Variants in DOCK1 observed in about 807,000 individuals in gnomAD.
DOCK1 encodes the protein dedicator of cytokinesis protein 1.
In DOCK1, 138 loss-of-function variants were observed where a neutral mutation model predicts 262.7. That is an observed-to-expected ratio of 0.53 (90% CI 0.46 to 0.61). DOCK1 has a LOEUF of 0.61. DOCK1 is among the 20% of genes least tolerant of loss of function. The pLI, the probability that DOCK1 is intolerant of heterozygous loss-of-function variation, is 0.00. For missense variants in DOCK1, 1,908 were observed against 2,370.7 expected, an observed-to-expected ratio of 0.80 and a Z score of 4.05; for synonymous variants, 866 against 867.4, an observed-to-expected ratio of 1.00 and a Z score of 0.03.
At chr10:127,270,943 G>A (rs1480102406) in intron 29 of DOCK1, among the ~76,000 whole-genome samples, 1 of 151,608 alleles carries the variant, frequency 6.6e-6, no homozygotes, top group African/African-American at 2.4e-5. Flanking sequence ...ATTTTCTCTT[G>A]TATTCAAGAC....
chr10:127,062,219 G>GTGA (rs2045582019), intron 23 of DOCK1, among the ~76,000 whole-genome samples: 1 of 152,086 alleles, frequency 6.6e-6, no homozygotes, highest in Non-Finnish European at 1.5e-5. Context: ...GATTATAGGC[G>GTGA]TGAGCCACTG....
intron 37 of DOCK1, among the ~76,000 whole-genome samples, chr10:127,383,717 C>T (rs1377082219): frequency 6.6e-6 from 1 of 152,174 alleles, no homozygotes; most frequent in African/African-American, 2.4e-5. Context: ...ACCCCAGCTT[C>T]CCACTTAGTG....
chr10:127,206,502 C>G (rs2057731297), intron 27 of DOCK1, among the ~76,000 whole-genome samples: 1 of 152,174 alleles, frequency 6.6e-6, no homozygotes, highest in African/African-American at 2.4e-5. Context: ...AATACGCTAT[C>G]AATGTACAGA....
intron 23 of DOCK1, among the ~76,000 whole-genome samples, chr10:127,072,689 G>A (rs954079954): frequency 2.0e-5 from 3 of 152,178 alleles, no homozygotes; most frequent in South Asian, 2.1e-4. Context: ...GGAGCATGAA[G>A]TAATCCTAAT....
chr10:127,305,377 T>C (rs1027412632), intron 29 of DOCK1, among the ~76,000 whole-genome samples: 2 of 152,268 alleles, frequency 1.3e-5, no homozygotes, highest in Admixed American at 6.5e-5. Context: ...CAGTGGTCAG[T>C]GTATCCCGAG....
At chr10:127,259,122 G>A (rs1171215391) in intron 29 of DOCK1, among the ~76,000 whole-genome samples, 1 of 152,178 alleles carries the variant, frequency 6.6e-6, no homozygotes. Context: ...TGGCATCTGA[G>A]AGTAGATGGT....
At chr10:127,206,696 A>G (rs1415850477) in intron 27 of DOCK1, among the ~76,000 whole-genome samples, 1 of 152,226 alleles carries the variant, frequency 6.6e-6, no homozygotes, top group Non-Finnish European at 1.5e-5. Context: ...CCAAAGAGCC[A>G]GACACTGTGT....
chr10:127,011,637 T>C (rs1360065168), intron 11 of DOCK1, among the ~76,000 whole-genome samples: 1 of 152,160 alleles, frequency 6.6e-6, no homozygotes, highest in African/African-American at 2.4e-5. Flanking sequence ...GTGGTCTGTG[T>C]TCATAACAGC....
At chr10:127,132,810 G>A (rs1426045408) in intron 27 of DOCK1, among the ~76,000 whole-genome samples, 1 of 152,148 alleles carries the variant, frequency 6.6e-6, no homozygotes, top group South Asian at 2.1e-4. Context: ...AAATGTAATC[G>A]AGTGAGAAGG....
chr10:127,265,496 C>G (rs1377339002), intron 29 of DOCK1, among the ~76,000 whole-genome samples: 1 of 152,168 alleles, frequency 6.6e-6, no homozygotes, highest in Non-Finnish European at 1.5e-5. Context: ...TGACAACCAC[C>G]TTGGCTCATT....
Position 127,381,335 on chromosome 10 carries a change from T to G in DOCK1, c.3774T>G (p.Ala1258=), listed in dbSNP as rs1565043291. The change falls in exon 37 of 52, where the codon GCT becomes GCG. Residue 1258 remains alanine, a synonymous_variant. Coordinates refer to ENST00000623213, the MANE Select transcript of DOCK1 (RefSeq NM_001290223.2). ...AGTGTGATAACTACACCGAAGCGGCTTACACCTTGCTTCTCCATGCAAAGC... is the reference window on the plus strand; with the variant it reads ...AGTGTGATAACTACACCGAAGCGGCGTACACCTTGCTTCTCCATGCAAAGC... ...HKECDNYTEA[A]YTLLLHAKLL... 5 of 1,612,854 alleles carry G rather than the reference T, an allele frequency of 3.1e-6. No homozygotes were observed. Among genetic ancestry groups the G allele is most frequent in the Non-Finnish European group, 4.2e-6 (5 of 1,179,150 alleles).
chr10:127,417,698 C>G (rs1408651479), intron 44 of DOCK1, among the ~76,000 whole-genome samples: 1 of 152,168 alleles, frequency 6.6e-6, no homozygotes, highest in Non-Finnish European at 1.5e-5. Context: ...GCCTTAGCCT[C>G]CCGAGTAGCT....
chr10:127,089,691 G>A (rs988265637), intron 23 of DOCK1, among the ~76,000 whole-genome samples: 3 of 152,150 alleles, frequency 2.0e-5, no homozygotes, highest in Non-Finnish European at 4.4e-5. Context: ...TGGGCAGGGC[G>A]TGGAGATGGA....
At chr10:127,096,241 G>A (rs560154955) in intron 23 of DOCK1, among the ~76,000 whole-genome samples, 6 of 152,164 alleles carry the variant, frequency 3.9e-5, no homozygotes, top group East Asian at 1.9e-4. Context: ...TTCTTCAGCC[G>A]CCTCCGACCA....
At chr10:127,283,301 C>T (rs1419151313) in intron 29 of DOCK1, among the ~76,000 whole-genome samples, 1 of 152,216 alleles carries the variant, frequency 6.6e-6, no homozygotes, top group Non-Finnish European at 1.5e-5. Context: ...GAAAGGAGGC[C>T]TGGACTGCAT....
chr10:126,975,784 AT>A (rs35799229), intron 2 of DOCK1, among the ~76,000 whole-genome samples: 42 of 146,392 alleles, frequency 2.9e-4, no homozygotes, highest in Admixed American at 4.7e-4. Flanking sequence ...CGCCCAGCCA[AT>A]TTTTTTTTTT....
chr10:127,311,521 T>C (rs562861173), intron 29 of DOCK1, among the ~76,000 whole-genome samples: 1 of 152,260 alleles, frequency 6.6e-6, no homozygotes, highest in Admixed American at 6.5e-5. Flanking sequence ...TGGAGTATTT[T>C]GGAATTTTGG....
chr10:127,354,793 G>A (rs747382658), intron 32 of DOCK1, 66 bp downstream of exon 32: 21 of 1,583,190 alleles, frequency 1.3e-5, no homozygotes, highest in East Asian at 6.7e-5. Flanking sequence ...GGCACTGGCC[G>A]TGTTCATCAG....
At chr10:126,941,264 C>G (rs1376320638) in intron 1 of DOCK1, among the ~76,000 whole-genome samples, 2 of 152,160 alleles carry the variant, frequency 1.3e-5, no homozygotes, top group Admixed American at 1.3e-4. Context: ...GGGATGTATC[C>G]TGTGGTTATG....
Sources: gnomAD v4.1 joint callset for allele counts (sites outside exome capture counted in the v4.1 genomes callset) on GRCh38, gnomAD v4.1.1 for gene constraint, MANE v1.5 for transcripts, NCBI Gene and HGNC (gene_info 2026-07-23, HGNC 2026-07-21) for gene names.